KATNAL1: variants seen among roughly 807,000 people sequenced by gnomAD.
The protein encoded by KATNAL1 is katanin p60 ATPase-containing subunit A-like 1.
Under a neutral mutation model 55.2 loss-of-function variants are expected in KATNAL1, and 32 were observed. The ratio of observed to expected loss-of-function variants is 0.58; its 90% confidence interval spans 0.44 to 0.78. The LOEUF (loss-of-function observed/expected upper bound fraction) is 0.78. Among genes scored for constraint, KATNAL1 ranks in the 30% least tolerant of loss-of-function variants. The pLI is 0.00. For synonymous variants in KATNAL1, 193 were observed against 193.6 expected (o/e 1.00, Z 0.02); for missense variants, 466 against 600.9 (o/e 0.78, Z 2.35).
At chr13:30,306,061 A>ACT (rs1883157554) in intron 1 of KATNAL1, among the ~76,000 whole-genome samples, 1 of 151,916 alleles carries the variant, frequency 6.6e-6, no homozygotes, top group Admixed American at 6.6e-5. Context: ...GTTTTTAAAC[A>ACT]CACACACACA....
intron 1 of KATNAL1, among the ~76,000 whole-genome samples, chr13:30,306,042 G>C (rs1323076484): frequency 6.6e-6 from 1 of 150,476 alleles, no homozygotes; most frequent in Non-Finnish European, 1.5e-5. Context: ...TAGGATTTGT[G>C]GTCTTTTTGT....
In KATNAL1 at chr13:30,250,579, G is replaced by T. The variant is rs896361239; in HGVS notation, c.492+4868C>A. ...TATAATCAATCAATAGCTCTCAAAAGAATATGTCAATCTAGTTTGCAACAT... is the reference window on the plus strand; with the variant it reads ...TATAATCAATCAATAGCTCTCAAAATAATATGTCAATCTAGTTTGCAACAT... On this transcript the variant is annotated intron_variant, in intron 4 of 10. Transcript: ENST00000380615. Among the ~76,000 whole-genome samples the T allele has an allele frequency of 4.6e-5, 7 of 152,106 alleles. No homozygotes were observed. The East Asian group carries it at 1.4e-3, about 29-fold the overall frequency.
intron 3 of KATNAL1, among the ~76,000 whole-genome samples, chr13:30,265,345 C>T (rs2137489258): frequency 6.7e-6 from 1 of 150,210 alleles, no homozygotes; most frequent in Admixed American, 6.6e-5. Context: ...GCACATTGTG[C>T]ACATGTACCC....
intron 1 of KATNAL1, among the ~76,000 whole-genome samples, chr13:30,288,083 T>C (rs930550885): frequency 6.6e-6 from 1 of 152,160 alleles, no homozygotes; most frequent in Non-Finnish European, 1.5e-5. Flanking sequence ...GGATTCAAAG[T>C]TAGTATTCCC....
chr13:30,238,690 T>C (rs1876942133), intron 6 of KATNAL1, among the ~76,000 whole-genome samples: 1 of 152,204 alleles, frequency 6.6e-6, no homozygotes, highest in Admixed American at 6.5e-5. Context: ...ATGTGGACTG[T>C]ACCACCCATT....
At chr13:30,279,555 A>G (rs768975587) in intron 3 of KATNAL1, among the ~76,000 whole-genome samples, 1 of 152,240 alleles carries the variant, frequency 6.6e-6, no homozygotes, top group Non-Finnish European at 1.5e-5. Context: ...AATGATGCAC[A>G]GGCTGGGTAT....
At chr13:30,306,703 G>A (rs1244852678) in intron 1 of KATNAL1, 1 of 152,184 alleles carries the variant, frequency 6.6e-6, no homozygotes, top group Non-Finnish European at 1.5e-5. Context: ...ATCCAGGAAA[G>A]GAGAAAAACC....
intron 4 of KATNAL1, among the ~76,000 whole-genome samples, chr13:30,244,627 A>T (rs1167558882): frequency 6.6e-6 from 1 of 152,188 alleles, no homozygotes; most frequent in African/African-American, 2.4e-5. Flanking sequence ...GTTTTTTGAA[A>T]AGATTAGCAA....
chr13:30,261,417 G>A (rs1879277006), intron 3 of KATNAL1, among the ~76,000 whole-genome samples: 1 of 152,170 alleles, frequency 6.6e-6, no homozygotes, highest in Non-Finnish European at 1.5e-5. Flanking sequence ...AAAAGACACA[G>A]ACTGGCAAAT....
chr13:30,218,984 A>G (rs562601860), intron 9 of KATNAL1, among the ~76,000 whole-genome samples: 5 of 152,294 alleles, frequency 3.3e-5, no homozygotes, highest in African/African-American at 9.6e-5. Context: ...TCTTACCACC[A>G]ATTTCTAATT....
chr13:30,244,174 T>G (rs1404180471), intron 4 of KATNAL1, among the ~76,000 whole-genome samples: 3 of 151,762 alleles, frequency 2.0e-5, no homozygotes, highest in African/African-American at 7.3e-5. Flanking sequence ...AGTGAGAATA[T>G]GTAGTGTTTG....
chr13:30,305,775 C>T (rs1357823727), intron 1 of KATNAL1, among the ~76,000 whole-genome samples: 4 of 152,242 alleles, frequency 2.6e-5, no homozygotes, highest in Non-Finnish European at 5.9e-5. Context: ...GATGACAAGA[C>T]TGCCCATGCA....
At chr13:30,278,957 G>A (rs1257115526) in intron 3 of KATNAL1, among the ~76,000 whole-genome samples, 1 of 152,118 alleles carries the variant, frequency 6.6e-6, no homozygotes, top group African/African-American at 2.4e-5. Context: ...TTTTCACAAT[G>A]AAAATCACAA....
intron 9 of KATNAL1, among the ~76,000 whole-genome samples, chr13:30,220,997 C>T (rs1230849283): frequency 6.6e-6 from 1 of 151,852 alleles, no homozygotes; most frequent in Non-Finnish European, 1.5e-5. Context: ...CAACACCCAG[C>T]GAAATAAAGC....
rs184124465 is a variant in KATNAL1, at chr13:30,293,396, C to T, written c.-14-9605G>A. ...CTGTGCACATACACTGTGTACACCC[C>T]GGCAACACCCCTTCAAAATACAGAA... On this transcript the variant is annotated intron_variant, in intron 1 of 10. Transcript: ENST00000380615. Among the ~76,000 whole-genome samples, 524 of 152,220 alleles carry T rather than the reference C, an allele frequency of 3.4e-3. 9 individuals are homozygous for T. The highest frequency in any genetic ancestry group is 1.5e-3 in the East Asian group (8 of 5,188).
At chr13:30,256,833 C>T (rs900937351) in intron 3 of KATNAL1, among the ~76,000 whole-genome samples, 4 of 152,168 alleles carry the variant, frequency 2.6e-5, no homozygotes, top group African/African-American at 9.7e-5. Flanking sequence ...GGTAAACATA[C>T]ACTGACATCT....
rs1183332745 is a variant in KATNAL1 at position 30,255,596 on chromosome 13, G to A, written c.343C>T (p.Arg115Cys). Reference sequence around the variant, plus strand: ...AGAGGTCTTACTTCTCGATTGGGACGCCTGATCTGAGGTGGAGCTCTGACA... The same window carrying A: ...AGAGGTCTTACTTCTCGATTGGGACACCTGATCTGAGGTGGAGCTCTGACA... Reference protein sequence around the residue: ...AEHRAPPQIRRPNREVRPLRK... With the variant: ...AEHRAPPQIRCPNREVRPLRK... Residue 115 changes from arginine to cysteine, a missense_variant, in exon 4 of 11, where the codon CGT (arginine) becomes TGT (cysteine). By Grantham distance (180) the Arg-to-Cys change is radical. Transcript: ENST00000380615. The A allele has an allele frequency of 4.0e-6, 6 of 1,515,492 alleles. No individual in the cohort carries two copies. Among genetic ancestry groups the A allele is most frequent in the African/African-American group, 1.5e-5 (1 of 67,688 alleles). The allele number at this position is 1,515,492 out of a possible 1,614,324, so 93.9% of individuals were successfully genotyped here.
intron 9 of KATNAL1, among the ~76,000 whole-genome samples, chr13:30,214,988 C>G (rs1420388011): frequency 1.3e-5 from 2 of 151,986 alleles, no homozygotes; most frequent in Non-Finnish European, 2.9e-5. Flanking sequence ...AAAGAGGCAA[C>G]CTACAAAATG....
chr13:30,248,333 C>T (rs567649067), intron 4 of KATNAL1, among the ~76,000 whole-genome samples: 60 of 152,040 alleles, frequency 3.9e-4, no homozygotes, highest in African/African-American at 1.3e-3. Context: ...TTCTAAATCA[C>T]AAGTTTGGTC....
Sources: gnomAD v4.1 joint callset for allele counts (sites outside exome capture counted in the v4.1 genomes callset) on GRCh38, gnomAD v4.1.1 for gene constraint, MANE v1.5 for transcripts, NCBI Gene and HGNC (gene_info 2026-07-23, HGNC 2026-07-21) for gene names.